The following STAU2 variants were observed in gnomAD, a reference collection of about 807,000 sequenced individuals.
The protein encoded by STAU2 is staufen double-stranded RNA binding protein 2.
Under a neutral mutation model 65.9 loss-of-function variants are expected in STAU2, and 20 were observed. That is an observed-to-expected ratio of 0.30 (90% confidence interval 0.21 to 0.44). The LOEUF (loss-of-function observed/expected upper bound fraction) is 0.44, where lower values mean the gene tolerates loss of function less well. STAU2 is among the 20% of genes least tolerant of loss of function. The pLI is 1.00. For missense variants in STAU2, 558 were observed against 683.9 expected, an observed-to-expected ratio of 0.82 and a Z score of 2.05; for synonymous variants, 232 against 233.9, an observed-to-expected ratio of 0.99 and a Z score of 0.07.
In STAU2 at chr8:73,420,454, C is replaced by A. The variant is rs1816314461; in HGVS notation, c.*918G>T. ...GGCCCGGAGCGTGGCTGGCTGGAAGCAACTCCAACAGGTTTTTCCCTTCCC... is the reference window on the plus strand; with the variant it reads ...GGCCCGGAGCGTGGCTGGCTGGAAGAAACTCCAACAGGTTTTTCCCTTCCC... On this transcript the variant is annotated 3_prime_UTR_variant, in exon 15 of 15. Transcript: ENST00000524300. 15 of 285,354 alleles carry A rather than the reference C, an allele frequency of 5.3e-5. No individual in the cohort carries two copies. The highest frequency in any genetic ancestry group is 5.2e-4 in the South Asian group (15 of 28,718). 17.7% of individuals were successfully genotyped at this position (285,354 alleles called of 1,614,324 possible).
intron 3 of STAU2, among the ~76,000 whole-genome samples, chr8:73,713,292 C>T (rs1821023331): frequency 6.6e-6 from 1 of 152,134 alleles, no homozygotes; most frequent in Admixed American, 6.5e-5. Flanking sequence ...TTCATTTTGC[C>T]TGTTCATTTG....
chr8:73,626,396 G>A (rs1813640968), intron 6 of STAU2, among the ~76,000 whole-genome samples: 1 of 152,202 alleles, frequency 6.6e-6, no homozygotes, highest in East Asian at 1.9e-4. Context: ...CTAGGTCTGA[G>A]AAGTCACCAG....
At chr8:73,724,491 CTATT>C (rs1805482796) in intron 3 of STAU2, among the ~76,000 whole-genome samples, 1 of 151,958 alleles carries the variant, frequency 6.6e-6, no homozygotes, top group Admixed American at 6.6e-5. Context: ...TATAAGCATT[CTATT>C]TTTCACTTTC....
intron 5 of STAU2, among the ~76,000 whole-genome samples, chr8:73,686,548 C>CAAAA (rs111707785): frequency 3.1e-5 from 3 of 97,868 alleles, no homozygotes; most frequent in African/African-American, 3.7e-5. Context: ...GACTCCCCCT[C>CAAAA]AAAAAAAAAA....
intron 12 of STAU2, among the ~76,000 whole-genome samples, chr8:73,581,297 A>G (rs1563437167): frequency 1.3e-5 from 2 of 152,226 alleles, no homozygotes; most frequent in South Asian, 4.2e-4. Context: ...ATATTCTTTG[A>G]AAAAAAAGTT....
intron 13 of STAU2, among the ~76,000 whole-genome samples, chr8:73,517,997 A>T (rs1822831884): frequency 6.6e-6 from 1 of 152,242 alleles, no homozygotes; most frequent in African/African-American, 2.4e-5. Context: ...CTGAAATGAA[A>T]AAAGTGAAAG....
At chr8:73,520,530 C>G (rs745729288) in intron 13 of STAU2, among the ~76,000 whole-genome samples, 1 of 152,190 alleles carries the variant, frequency 6.6e-6, no homozygotes, top group Non-Finnish European at 1.5e-5. Context: ...ACAACTACTT[C>G]ACCCCAAGCA....
At chr8:73,551,277 GA>G in intron 13 of STAU2, 11 of 987,240 alleles carry the variant, frequency 1.1e-5, no homozygotes, top group Non-Finnish European at 1.3e-5. Flanking sequence ...ATAAATAGGG[GA>G]AAAAAAGTTT....
chr8:73,560,974 T>C (rs1224619253), intron 12 of STAU2, among the ~76,000 whole-genome samples: 1 of 152,166 alleles, frequency 6.6e-6, no homozygotes, highest in Non-Finnish European at 1.5e-5. Context: ...CTGGGTATGG[T>C]GAATAAATTC....
chr8:73,566,714 G>A lies in STAU2; in HGVS notation c.1223-14395C>T, dbSNP rs571875191. ...CTTTAGACCCGTTATAAAATCAACT[G>A]AGCCTCAATTTTCCTGTATGTAAAA... is the stretch of plus-strand genomic sequence containing the variant. On this transcript the variant is annotated intron_variant, in intron 12 of 14. Transcript: ENST00000524300. Among the ~76,000 whole-genome samples, 47 of 152,196 alleles carry A rather than the reference G, an allele frequency of 3.1e-4. No individual in the cohort carries two copies. The South Asian group carries it at 3.3e-3, about 11-fold the overall frequency.
chr8:73,655,815 AT>A lies in STAU2; in HGVS notation c.410+17291del, dbSNP rs376005106. On this transcript the variant is annotated intron_variant, in intron 6 of 14. Transcript: ENST00000524300. Reference sequence around the variant, plus strand: ...AGGTGCCTGCCACCACACCCGGCTAATTTTTTGTATTTTTAGTAGAGACAGG... The same window carrying A: ...AGGTGCCTGCCACCACACCCGGCTAATTTTTGTATTTTTAGTAGAGACAGG... Among the ~76,000 whole-genome samples, 57 of 151,668 alleles carry A rather than the reference AT, an allele frequency of 3.8e-4. No homozygotes were observed. In the East Asian group the frequency reaches 9.1e-3, roughly 24 times the overall value.
At chr8:73,603,961 C>A in intron 9 of STAU2, 98 bp from the exon 10 acceptor site, 1 of 1,269,146 alleles carries the variant, frequency 7.9e-7, no homozygotes, top group East Asian at 2.6e-5. Flanking sequence ...CCCCACACCC[C>A]AAAACTGTGA....
chr8:73,449,002 T>A (rs539017109), intron 13 of STAU2, among the ~76,000 whole-genome samples: 1 of 152,212 alleles, frequency 6.6e-6, no homozygotes, highest in East Asian at 1.9e-4. Context: ...GCAGCCCGGG[T>A]TTTCCTCAAG....
intron 13 of STAU2, among the ~76,000 whole-genome samples, chr8:73,426,629 T>C (rs1816842177): frequency 6.6e-6 from 1 of 152,206 alleles, no homozygotes; most frequent in Non-Finnish European, 1.5e-5. Flanking sequence ...TGGCCATAAA[T>C]GACAGGATTT....
chr8:73,724,716 G>T (rs999464467), intron 3 of STAU2, among the ~76,000 whole-genome samples: 4 of 146,964 alleles, frequency 2.7e-5, no homozygotes, highest in African/African-American at 7.6e-5. Flanking sequence ...CTGAGTCAAG[G>T]TCCCACTCTG....
intron 13 of STAU2, chr8:73,527,784 T>G: frequency 6.5e-7 from 1 of 1,536,634 alleles, no homozygotes; most frequent in East Asian, 2.4e-5. Context: ...CTTTGCCACT[T>G]TGTCTATCAC....
At chr8:73,747,369 C>CTT (rs755734312), upstream of STAU2, 1 of 1,535,372 alleles carries the variant, frequency 6.5e-7, no homozygotes, top group Non-Finnish European at 8.7e-7. Context: ...ACCCTGTGCT[C>CTT]TGATTCCCCG....
intron 13 of STAU2, among the ~76,000 whole-genome samples, chr8:73,424,622 T>G (rs892354429): frequency 4.6e-5 from 7 of 152,114 alleles, no homozygotes; most frequent in Non-Finnish European, 1.0e-4. Flanking sequence ...AAGGACATCT[T>G]GATTGTTTCC....
intron 11 of STAU2, among the ~76,000 whole-genome samples, chr8:73,585,223 G>A (rs768369992): frequency 2.6e-5 from 4 of 152,234 alleles, no homozygotes; most frequent in Admixed American, 6.5e-5. Context: ...GCTCAAGCCT[G>A]TAATCCCAGC....
Sources: allele counts gnomAD v4.1 joint callset (sites outside exome capture counted in the v4.1 genomes callset), GRCh38; gene constraint gnomAD v4.1.1; transcripts MANE v1.5; gene names NCBI Gene and HGNC (gene_info 2026-07-23, HGNC 2026-07-21).